RFX7: variants seen among roughly 807,000 people sequenced by gnomAD.
RFX7 encodes the protein regulatory factor X7.
A neutral mutation model predicts 111.8 loss-of-function variants in RFX7; 26 were observed. The observed-to-expected ratio is 0.23, with a 90% CI of 0.17 to 0.32. The LOEUF (loss-of-function observed/expected upper bound fraction) is 0.32. RFX7 is among the 10% of genes least tolerant of loss of function. The pLI is 1.00. For synonymous variants in RFX7, 624 were observed against 624.4 expected (o/e 1.00, Z 0.01); for missense variants, 1,573 against 1,772.9 (o/e 0.89, Z 2.02).
chr15:56,090,035 G>A lies in RFX7; in HGVS notation c.*3310C>T, dbSNP rs1485574692. The stretch of plus-strand genomic sequence containing the variant: ...AGACCCTGGTTTCATTACTTTGCAG[G>A]AGCTGACATTTCTGGCTACTTCGGC... On this transcript the variant is annotated 3_prime_UTR_variant, in exon 10 of 10. Transcript: ENST00000559447. The A allele has an allele frequency of 1.3e-5, 2 of 152,154 alleles. No homozygotes were observed. The highest frequency in any genetic ancestry group is 1.3e-4 in the Admixed American group (2 of 15,266). 9.4% of individuals were successfully genotyped at this position (152,154 alleles called of 1,614,324 possible).
intron 6 of RFX7, among the ~76,000 whole-genome samples, chr15:56,103,020 C>G (rs1368835627): frequency 6.6e-6 from 1 of 151,936 alleles, no homozygotes; most frequent in Non-Finnish European, 1.5e-5. Flanking sequence ...TTCTCCATCA[C>G]AAGAAGGACC....
intron 5 of RFX7, among the ~76,000 whole-genome samples, chr15:56,124,695 C>A (rs918881962): frequency 6.6e-6 from 1 of 152,168 alleles, no homozygotes; most frequent in African/African-American, 2.4e-5. Flanking sequence ...GCCCATTTAA[C>A]AATCAGATTT....
At chr15:56,117,034 G>C (rs2042018017) in intron 5 of RFX7, among the ~76,000 whole-genome samples, 4 of 152,196 alleles carry the variant, frequency 2.6e-5, no homozygotes, top group Admixed American at 2.6e-4. Flanking sequence ...AAGAGAGTGA[G>C]TGTAAGAGGT....
chr15:56,191,438 T>C (rs902655671), intron 2 of RFX7, among the ~76,000 whole-genome samples: 2 of 152,158 alleles, frequency 1.3e-5, no homozygotes, highest in Non-Finnish European at 2.9e-5. Context: ...TTTCAGCAGC[T>C]GGAAAGATAT....
intron 5 of RFX7, among the ~76,000 whole-genome samples, chr15:56,109,803 C>T (rs1469817487): frequency 7.9e-5 from 12 of 151,112 alleles, no homozygotes; most frequent in African/African-American, 2.7e-4. Context: ...GGAGCCCCTC[C>T]GCCCAGCAGC....
Position 56,095,416 on chromosome 15 carries a change from G to A in RFX7, c.2312C>T (p.Ser771Leu). 6.2e-7 allele frequency: 1 copy of A among 1,613,154 alleles called. No homozygotes were observed. Among genetic ancestry groups the A allele is most frequent in the Non-Finnish European group, 8.5e-7 (1 of 1,179,862 alleles). ...EGSVFLLDSDSKSVGSFNPNG... is the reference protein window; with the variant it reads ...EGSVFLLDSDLKSVGSFNPNG... Reference sequence around the variant, plus strand: ...TGGATTAAAGCTGCCAACTGACTTTGAATCACTGTCCAAGAGAAAGACACT... The same window carrying A: ...TGGATTAAAGCTGCCAACTGACTTTAAATCACTGTCCAAGAGAAAGACACT... Residue 771 changes from serine (S) to leucine (L), a missense_variant, in exon 10 of 10, where the codon TCA becomes TTA. Physicochemically the swap from Ser to Leu is moderately radical, Grantham distance 145. Coordinates refer to ENST00000559447, the MANE Select transcript of RFX7 (RefSeq NM_022841.7).
intron 5 of RFX7, among the ~76,000 whole-genome samples, chr15:56,136,147 G>A (rs1218076686): frequency 6.6e-6 from 1 of 151,882 alleles, no homozygotes; most frequent in East Asian, 1.9e-4. Context: ...TTACAATTCT[G>A]TGAAGAAAGG....
intron 2 of RFX7, among the ~76,000 whole-genome samples, chr15:56,223,965 C>G (rs1429084470): frequency 2.0e-5 from 3 of 151,720 alleles, no homozygotes. Flanking sequence ...ACATAAACAA[C>G]AGAATCTTTT....
intron 3 of RFX7, among the ~76,000 whole-genome samples, chr15:56,165,646 C>A (rs2042773583): frequency 6.6e-6 from 1 of 152,136 alleles, no homozygotes; most frequent in South Asian, 2.1e-4. Flanking sequence ...GTTTACTTGG[C>A]CTTCCAGGTG....
intron 2 of RFX7, among the ~76,000 whole-genome samples, chr15:56,187,890 C>T (rs1311193526): frequency 2.6e-5 from 4 of 152,126 alleles, no homozygotes; most frequent in Non-Finnish European, 2.9e-5. Flanking sequence ...TAACATATCA[C>T]TGATAATGCC....
At chr15:56,147,787 A>G (rs2042502300) in intron 3 of RFX7, among the ~76,000 whole-genome samples, 1 of 152,082 alleles carries the variant, frequency 6.6e-6, no homozygotes, top group South Asian at 2.1e-4. Flanking sequence ...GTTAGCGAGG[A>G]TGGTCTCGAT....
intron 2 of RFX7, among the ~76,000 whole-genome samples, chr15:56,188,603 C>T (rs1189093592): frequency 1.3e-5 from 2 of 152,196 alleles, no homozygotes; most frequent in African/African-American, 4.8e-5. Context: ...TACCTGACTT[C>T]TACATAGTAA....
intron 5 of RFX7, among the ~76,000 whole-genome samples, chr15:56,110,019 T>C (rs1217403565): frequency 2.7e-4 from 32 of 119,926 alleles, no homozygotes; most frequent in Non-Finnish European, 4.0e-4. Flanking sequence ...GAGGGGCGCC[T>C]CTGCCCGGCC....
Position 56,095,465 on chromosome 15 carries a change from C to G in RFX7, c.2263G>C (p.Asp755His). ...CTTCCTTCAAGTTTTACTTTTATAT[C>G]TGGAGATGATGATGGGGTTGTTTGC... ...EQQTTPSSSP[D>H]IKVKLEGSVF... Residue 755 changes from aspartate to histidine, a missense_variant, in exon 10 of 10, where the codon GAT becomes CAT. By Grantham distance (81) the Asp-to-His change is moderately conservative (BLOSUM62 -1). Around this residue, in one of 7 missense-constraint regions of RFX7, gnomAD observed 625 missense variants for 632.2 expected, o/e 0.99. Coordinates refer to ENST00000559447, the MANE Select transcript of RFX7 (RefSeq NM_022841.7). The G allele has an allele frequency of 6.2e-7, 1 of 1,612,362 alleles. No homozygotes were observed. The highest frequency in any genetic ancestry group is 8.5e-7 in the Non-Finnish European group (1 of 1,179,856).
At chr15:56,129,562 T>C (rs1351203485) in intron 5 of RFX7, among the ~76,000 whole-genome samples, 5 of 152,308 alleles carry the variant, frequency 3.3e-5, no homozygotes, top group African/African-American at 1.2e-4. Context: ...CATAGGAATA[T>C]GGATATTCTT....
intron 3 of RFX7, among the ~76,000 whole-genome samples, chr15:56,151,746 T>C (rs2042572142): frequency 6.6e-6 from 1 of 152,122 alleles, no homozygotes; most frequent in Non-Finnish European, 1.5e-5. Flanking sequence ...AATGCCCCAA[T>C]TAAAAGACAC....
In RFX7 at chr15:56,184,087, G is replaced by A. The variant is rs1312395824; in HGVS notation, c.162-4784C>T. Among the ~76,000 whole-genome samples the A allele has an allele frequency of 6.6e-5, 10 of 150,380 alleles. No individual in the cohort carries two copies. The South Asian group carries it at 1.3e-3, about 19-fold the overall frequency. Reference sequence around the variant, plus strand: ...CCAGGCTGGAATGCAGTATGCCATCGCGGCTCACCGCAACCTCCACCTCCC... The same window carrying A: ...CCAGGCTGGAATGCAGTATGCCATCACGGCTCACCGCAACCTCCACCTCCC... On this transcript the variant is annotated intron_variant, in intron 2 of 9. Transcript: ENST00000559447.
intron 5 of RFX7, among the ~76,000 whole-genome samples, chr15:56,113,159 C>A (rs1206170598): frequency 6.6e-6 from 1 of 152,098 alleles, no homozygotes; most frequent in African/African-American, 2.4e-5. Context: ...TGGGTATATA[C>A]CCAAAGGAAT....
chr15:56,163,430 GGACA>G (rs1406315643), intron 3 of RFX7, among the ~76,000 whole-genome samples: 1 of 151,782 alleles, frequency 6.6e-6, no homozygotes, highest in Non-Finnish European at 1.5e-5. Flanking sequence ...CTAAACCATG[GGACA>G]GACTTGGAAA....
Sources: gnomAD v4.1 joint callset for allele counts (sites outside exome capture counted in the v4.1 genomes callset) on GRCh38, gnomAD v4.1.1 for gene constraint, gnomAD v4.1.1 regional missense constraint, MANE v1.5 for transcripts, NCBI Gene and HGNC (gene_info 2026-07-23, HGNC 2026-07-21) for gene names.